SUCLG2: variants seen among roughly 807,000 people sequenced by gnomAD.
SUCLG2 encodes succinate--CoA ligase [GDP-forming] subunit beta, mitochondrial.
SUCLG2 carries 42 observed loss-of-function variants against 47.9 expected under a neutral mutation model. That is an observed-to-expected ratio of 0.88 (90% CI 0.69 to 1.14). SUCLG2 has a LOEUF of 1.14. Among genes scored for constraint, SUCLG2 ranks in the 50% most tolerant of loss-of-function variants. SUCLG2 has a pLI of 0.00. For missense variants in SUCLG2, 571 were observed against 525.9 expected (o/e 1.09, Z -0.84); for synonymous variants, 195 against 197.3 (o/e 0.99, Z 0.10).
rs115914861 is a variant in SUCLG2, at chr3:67,529,905, G to A, written c.227-719C>T. ...AAATATCTTCCCTTGCAGGGAAGTT[G>A]GGTGCATGAAGTAGCCCAGTGACAA... is the stretch of plus-strand genomic sequence containing the variant. On this transcript the variant is annotated intron_variant, in intron 2 of 10. Coordinates refer to ENST00000307227, the MANE Select transcript of SUCLG2 (RefSeq NM_003848.4). 9.7e-3 allele frequency among the ~76,000 whole-genome samples: 1,477 copies of A among 152,318 alleles called. 28 individuals are homozygous for A. Among genetic ancestry groups the A allele is most frequent in the African/African-American group, 0.032 (1,348 of 41,582 alleles).
intron 4 of SUCLG2, among the ~76,000 whole-genome samples, chr3:67,525,721 C>A (rs142512908): frequency 6.6e-6 from 1 of 151,802 alleles, no homozygotes; most frequent in Admixed American, 6.6e-5. Context: ...TGTAGGGCAA[C>A]GTAAAGAGGA....
intron 2 of SUCLG2, among the ~76,000 whole-genome samples, chr3:67,586,473 G>C (rs1272785162): frequency 6.6e-6 from 1 of 152,200 alleles, no homozygotes. Flanking sequence ...AAACAGGTAA[G>C]TTTTGTAGCA....
At chr3:67,397,499 A>G (rs919768962) in intron 10 of SUCLG2, among the ~76,000 whole-genome samples, 3 of 152,214 alleles carry the variant, frequency 2.0e-5, no homozygotes, top group Non-Finnish European at 2.9e-5. Flanking sequence ...ACTACAAACC[A>G]CTGCTCAATG....
At chr3:67,419,755 T>C (rs991554002) in intron 9 of SUCLG2, among the ~76,000 whole-genome samples, 5 of 152,248 alleles carry the variant, frequency 3.3e-5, no homozygotes, top group South Asian at 2.1e-4. Flanking sequence ...AAAACTGTTA[T>C]TGACATGATT....
At chr3:67,565,526 A>G (rs1217926646) in intron 2 of SUCLG2, among the ~76,000 whole-genome samples, 1 of 152,250 alleles carries the variant, frequency 6.6e-6, no homozygotes, top group East Asian at 1.9e-4. Context: ...CAAACTGTGT[A>G]ACATTGGCAT....
At chr3:67,393,519 A>C (rs1268276705) in intron 10 of SUCLG2, among the ~76,000 whole-genome samples, 4 of 152,194 alleles carry the variant, frequency 2.6e-5, no homozygotes, top group Non-Finnish European at 5.9e-5. Flanking sequence ...AGCAGCCAGG[A>C]AGCTCGAACT....
At chr3:67,438,255 C>T (rs1011221733) in intron 9 of SUCLG2, among the ~76,000 whole-genome samples, 3 of 152,116 alleles carry the variant, frequency 2.0e-5, no homozygotes, top group African/African-American at 7.2e-5. Context: ...ATTTATAGTA[C>T]TAAATGCCTA....
chr3:67,411,652 G>A lies in SUCLG2; in HGVS notation c.1063-10801C>T, dbSNP rs1320880737. 2.0e-5 allele frequency among the ~76,000 whole-genome samples: 3 copies of A among 152,166 alleles called. No homozygotes were observed. In the East Asian group the frequency reaches 5.8e-4, roughly 29 times the overall value. On this transcript the variant is annotated intron_variant, in intron 9 of 10. Transcript: ENST00000307227. ...TTACAAATCTCACTAGTATATTTGT[G>A]AAAGGCAATTTACTGCCAAATTTCT...
In SUCLG2 at chr3:67,375,799, G is replaced by A. The variant is rs2106756489; in HGVS notation, c.1244C>T (p.Ala415Val). The change falls in exon 11 of 11, where the codon GCC becomes GTC. Residue 415 changes from alanine (A) to valine (V), a missense_variant. Transcript: ENST00000307227. Reference protein sequence around the residue: ...LNNSGLPITSAIDLEDAAKKA... With the variant: ...LNNSGLPITSVIDLEDAAKKA... Reference sequence around the variant, plus strand: ...CTTGGCTGCATCCTCCAGGTCAATGGCTGAAGTAATGGGGAGTCCGCTGTT... The same window carrying A: ...CTTGGCTGCATCCTCCAGGTCAATGACTGAAGTAATGGGGAGTCCGCTGTT... The A allele has an allele frequency of 1.2e-6, 2 of 1,614,014 alleles. No individual in the cohort carries two copies. Among genetic ancestry groups the A allele is most frequent in the East Asian group, 2.2e-5 (1 of 44,884 alleles).
chr3:67,378,529 G>A (rs995006211), intron 10 of SUCLG2, among the ~76,000 whole-genome samples: 1 of 152,126 alleles, frequency 6.6e-6, no homozygotes, highest in African/African-American at 2.4e-5. Context: ...AACCATATAA[G>A]GGATCTTGGA....
intron 9 of SUCLG2, among the ~76,000 whole-genome samples, chr3:67,428,819 G>A (rs1245926399): frequency 6.6e-6 from 1 of 152,152 alleles, no homozygotes; most frequent in Non-Finnish European, 1.5e-5. Flanking sequence ...AGCTTCAGTA[G>A]CCGATTTGAT....
chr3:67,571,036 TCA>T (rs990586755), intron 2 of SUCLG2, among the ~76,000 whole-genome samples: 3 of 152,176 alleles, frequency 2.0e-5, no homozygotes, highest in African/African-American at 7.2e-5. Flanking sequence ...ACCTCAGATG[TCA>T]CTATCTCAGC....
At chr3:67,449,101 T>C (rs1703994860) in intron 9 of SUCLG2, among the ~76,000 whole-genome samples, 1 of 152,214 alleles carries the variant, frequency 6.6e-6, no homozygotes, top group South Asian at 2.1e-4. Flanking sequence ...AAGAACATTC[T>C]AAAAAGAAAA....
intron 2 of SUCLG2, among the ~76,000 whole-genome samples, chr3:67,585,925 C>T (rs1255047495): frequency 6.9e-6 from 1 of 144,890 alleles, no homozygotes; most frequent in Admixed American, 7.1e-5. Context: ...CGAGATCATG[C>T]CACTGCACTC....
chr3:67,398,670 G>A (rs1323217528), intron 10 of SUCLG2, among the ~76,000 whole-genome samples: 1 of 151,962 alleles, frequency 6.6e-6, no homozygotes, highest in African/African-American at 2.4e-5. Flanking sequence ...CCCATTACTG[G>A]GTATATACCC....
At chr3:67,609,934 T>C (rs1459778257) in intron 1 of SUCLG2, among the ~76,000 whole-genome samples, 1 of 152,186 alleles carries the variant, frequency 6.6e-6, no homozygotes, top group African/African-American at 2.4e-5. Flanking sequence ...TAGGGGAAGC[T>C]GGATGAAGAG....
chr3:67,473,189 T>C (rs999818820), intron 9 of SUCLG2, among the ~76,000 whole-genome samples: 19 of 10,226 alleles, frequency 1.9e-3, no homozygotes, highest in South Asian at 0.018. Context: ...TTTTTATTTA[T>C]TTTTTTTGAG....
At chr3:67,393,774 G>A (rs1197616560) in intron 10 of SUCLG2, among the ~76,000 whole-genome samples, 1 of 152,180 alleles carries the variant, frequency 6.6e-6, no homozygotes, top group African/African-American at 2.4e-5. Flanking sequence ...AGGCACCCCA[G>A]CAGGGGCAGA....
intron 10 of SUCLG2, among the ~76,000 whole-genome samples, chr3:67,368,293 CTT>C (rs1462197703): frequency 6.6e-6 from 1 of 152,156 alleles, no homozygotes; most frequent in Non-Finnish European, 1.5e-5. Context: ...AGTTAAAAAC[CTT>C]TGTCTTTAAA....
Sources: gnomAD v4.1 joint callset for allele counts (sites outside exome capture counted in the v4.1 genomes callset) on GRCh38, gnomAD v4.1.1 for gene constraint, MANE v1.5 for transcripts, NCBI Gene and HGNC (gene_info 2026-07-23, HGNC 2026-07-21) for gene names.